The following TLK1 variants were observed in gnomAD, a reference collection of about 807,000 sequenced individuals.
TLK1 encodes the protein tousled like kinase 1, also known as serine/threonine-protein kinase tousled-like 1.
In TLK1, 24 loss-of-function variants were observed where a neutral mutation model predicts 105.3. The observed-to-expected ratio is 0.23, with a 90% CI of 0.17 to 0.32. The LOEUF (loss-of-function observed/expected upper bound fraction) is 0.32, where lower values mean the gene tolerates loss of function less well. Ranked by LOEUF, TLK1 falls within the 10% of genes least tolerant of loss-of-function variation. The pLI, the probability that TLK1 is intolerant of heterozygous loss-of-function variation, is 1.00. For synonymous variants in TLK1, 321 were observed against 310.4 expected (o/e 1.03, Z -0.36); for missense variants, 558 against 910.5 (o/e 0.61, Z 4.98).
rs576810225 is a variant in TLK1 at position 171,229,671 on chromosome 2, A to G, written c.-6+1474T>C. Among the ~76,000 whole-genome samples the G allele has an allele frequency of 2.0e-5, 3 of 152,320 alleles. No individual in the cohort carries two copies. The East Asian group carries it at 5.8e-4, about 29-fold the overall frequency. On this transcript the variant is annotated intron_variant, in intron 1 of 20. Transcript: ENST00000521943. ...TCAAGAGAAAGGGTGCAAACTTTGC[A>G]TTTGCACAACTAAGTAGGAGCATTC... is the stretch of plus-strand genomic sequence containing the variant.
intron 12 of TLK1, among the ~76,000 whole-genome samples, chr2:171,025,621 C>T (rs1685736372): frequency 6.6e-6 from 1 of 152,138 alleles, no homozygotes. Flanking sequence ...TTCATGTCTG[C>T]TTAATAAACC....
At chr2:171,225,663 G>A (rs1382027442) in intron 1 of TLK1, among the ~76,000 whole-genome samples, 2 of 151,904 alleles carry the variant, frequency 1.3e-5, no homozygotes, top group African/African-American at 2.4e-5. Flanking sequence ...AAACCCTAAC[G>A]TTTATACATT....
At chr2:171,004,245 GA>G (rs1684538972) in intron 18 of TLK1, among the ~76,000 whole-genome samples, 1 of 152,076 alleles carries the variant, frequency 6.6e-6, no homozygotes, top group African/African-American at 2.4e-5. Context: ...TTACAGGCGT[GA>G]GCCACCGTGT....
intron 2 of TLK1, among the ~76,000 whole-genome samples, chr2:171,101,786 CA>C (rs1007154477): frequency 2.6e-5 from 4 of 151,812 alleles, no homozygotes; most frequent in African/African-American, 9.7e-5. Flanking sequence ...TTGAGGCCTT[CA>C]AAAGAATAGG....
intron 11 of TLK1, among the ~76,000 whole-genome samples, chr2:171,044,255 T>G (rs1050472080): frequency 2.0e-5 from 3 of 152,092 alleles, no homozygotes; most frequent in Non-Finnish European, 4.4e-5. Context: ...AGACTCCATC[T>G]CTTCAAAACA....
chr2:171,089,594 C>T (rs1436881920), intron 2 of TLK1, among the ~76,000 whole-genome samples: 1 of 152,192 alleles, frequency 6.6e-6, no homozygotes, highest in Non-Finnish European at 1.5e-5. Flanking sequence ...ACAGATGGGT[C>T]TACTGCTGGA....
chr2:171,080,545 A>C (rs1339466537), intron 3 of TLK1, among the ~76,000 whole-genome samples: 1 of 33,466 alleles, frequency 3.0e-5, no homozygotes, highest in Admixed American at 2.4e-4. Flanking sequence ...GATACACTAA[A>C]ATAATAATAA....
chr2:171,021,227 G>A (rs1685484357), intron 12 of TLK1, among the ~76,000 whole-genome samples: 1 of 151,218 alleles, frequency 6.6e-6, no homozygotes, highest in Non-Finnish European at 1.5e-5. Flanking sequence ...TCAAATAAAT[G>A]TTTAAGAATT....
At chr2:171,000,709 A>G (rs539106465) in intron 18 of TLK1, among the ~76,000 whole-genome samples, 3 of 152,280 alleles carry the variant, frequency 2.0e-5, no homozygotes, top group South Asian at 2.1e-4. Context: ...CTTTACAGAC[A>G]TAATTTGTTT....
At chr2:171,224,849 T>C (rs1276497854) in intron 1 of TLK1, among the ~76,000 whole-genome samples, 3 of 152,220 alleles carry the variant, frequency 2.0e-5, no homozygotes, top group Admixed American at 1.3e-4. Context: ...GGCTTAGTGA[T>C]AGACATATGT....
chr2:171,033,854 C>A, intron 11 of TLK1, among the ~76,000 whole-genome samples: 1 of 143,336 alleles, frequency 7.0e-6, no homozygotes, highest in African/African-American at 2.6e-5. Context: ...AAAATATCTG[C>A]AAATCATATA....
intron 12 of TLK1, among the ~76,000 whole-genome samples, chr2:171,026,655 GT>G (rs1367990804): frequency 1.3e-5 from 2 of 152,104 alleles, no homozygotes; most frequent in African/African-American, 2.4e-5. Flanking sequence ...CCACAGGCTG[GT>G]TAGAAAATAA....
intron 3 of TLK1, among the ~76,000 whole-genome samples, chr2:171,080,821 C>A (rs1432174707): frequency 6.6e-6 from 1 of 151,870 alleles, no homozygotes; most frequent in Non-Finnish European, 1.5e-5. Flanking sequence ...TACTGTCCCA[C>A]CTCAGCCTCT....
intron 11 of TLK1, among the ~76,000 whole-genome samples, chr2:171,034,873 A>T (rs1166480343): frequency 2.0e-5 from 3 of 152,088 alleles, no homozygotes; most frequent in Non-Finnish European, 4.4e-5. Flanking sequence ...ACTTATACTT[A>T]GTATAAGTAT....
chr2:171,177,701 C>T (rs567721941), intron 1 of TLK1, among the ~76,000 whole-genome samples: 1 of 152,246 alleles, frequency 6.6e-6, no homozygotes, highest in South Asian at 2.1e-4. Context: ...GAATAAGGCC[C>T]CCAAAAGGAT....
At chr2:171,060,528 C>T (rs1386878464) in intron 4 of TLK1, among the ~76,000 whole-genome samples, 1 of 152,088 alleles carries the variant, frequency 6.6e-6, no homozygotes, top group Non-Finnish European at 1.5e-5. Flanking sequence ...TCATTATACA[C>T]GATTTAAGAG....
At chr2:171,063,283 T>C (rs987333316) in intron 3 of TLK1, among the ~76,000 whole-genome samples, 1 of 151,870 alleles carries the variant, frequency 6.6e-6, no homozygotes, top group Admixed American at 6.6e-5. Flanking sequence ...GAGGTAGGGG[T>C]TGCAGTGAGC....
At chr2:171,083,666 G>C (rs748122218) in intron 2 of TLK1, among the ~76,000 whole-genome samples, 3 of 152,160 alleles carry the variant, frequency 2.0e-5, no homozygotes, top group Non-Finnish European at 2.9e-5. Flanking sequence ...CACCTCACTT[G>C]TAACAGGAGT....
intron 1 of TLK1, among the ~76,000 whole-genome samples, chr2:171,121,060 T>G (rs893521066): frequency 1.3e-5 from 2 of 152,048 alleles, no homozygotes; most frequent in African/African-American, 4.8e-5. Flanking sequence ...TGCCAGGGGC[T>G]GGGGGTGTGG....
Sources: gnomAD v4.1 joint callset for allele counts (sites outside exome capture counted in the v4.1 genomes callset) on GRCh38, gnomAD v4.1.1 for gene constraint, MANE v1.5 for transcripts, NCBI Gene and HGNC (gene_info 2026-07-23, HGNC 2026-07-21) for gene names.